Variants in ADK observed in about 807,000 individuals in gnomAD.
The protein encoded by ADK is N6,N6-dimethyladenosine kinase.
In ADK, 24 loss-of-function variants were observed where a neutral mutation model predicts 44.7. The ratio of observed to expected loss-of-function variants is 0.54; its 90% CI spans 0.39 to 0.76. The LOEUF is 0.76. Ranked by LOEUF, ADK falls within the 30% of genes least tolerant of loss-of-function variation. ADK has a pLI of 0.00. For synonymous variants in ADK, 128 were observed against 142.6 expected (o/e 0.90, Z 0.73); for missense variants, 321 against 425.1 (o/e 0.76, Z 2.15).
chr10:74,207,708 C>T (rs1162285785), intron 2 of ADK, among the ~76,000 whole-genome samples: 1 of 152,100 alleles, frequency 6.6e-6, no homozygotes, highest in African/African-American at 2.4e-5. Flanking sequence ...GGTCCATGGG[C>T]GGCTATGGGT....
At chr10:74,247,946 G>GGATA (rs1267091382) in intron 3 of ADK, among the ~76,000 whole-genome samples, 1 of 152,042 alleles carries the variant, frequency 6.6e-6, no homozygotes, top group African/African-American at 2.4e-5. Context: ...TTTATCAAGA[G>GGATA]GATAATAATT....
At chr10:74,695,619 G>T (rs1028618446) in intron 10 of ADK, among the ~76,000 whole-genome samples, 4 of 90,072 alleles carry the variant, frequency 4.4e-5, no homozygotes, top group African/African-American at 1.2e-4. Flanking sequence ...GTATGTGTGG[G>T]GTGTGTGTGT....
chr10:74,409,824 A>G (rs1228133668), intron 6 of ADK, among the ~76,000 whole-genome samples: 1 of 152,236 alleles, frequency 6.6e-6, no homozygotes, highest in Non-Finnish European at 1.5e-5. Context: ...ACAGAAGTAT[A>G]TGTATATTAA....
intron 7 of ADK, among the ~76,000 whole-genome samples, chr10:74,586,198 A>G (rs1851519856): frequency 6.6e-6 from 1 of 152,194 alleles, no homozygotes; most frequent in South Asian, 2.1e-4. Flanking sequence ...GTCTGCAGTG[A>G]TATGAGCCAG....
chr10:74,348,917 A>G (rs140440715), intron 4 of ADK, among the ~76,000 whole-genome samples: 4 of 152,250 alleles, frequency 2.6e-5, no homozygotes, highest in Non-Finnish European at 5.9e-5. Context: ...GACTATGTGA[A>G]AAGACCAAAC....
At chr10:74,360,986 C>T (rs538834729) in intron 4 of ADK, among the ~76,000 whole-genome samples, 1 of 152,242 alleles carries the variant, frequency 6.6e-6, no homozygotes, top group Admixed American at 6.5e-5. Flanking sequence ...CGGCTCACTG[C>T]AACCTCCAAC....
chr10:74,298,435 TG>T (rs1032431224), intron 3 of ADK, among the ~76,000 whole-genome samples: 1 of 152,182 alleles, frequency 6.6e-6, no homozygotes, highest in African/African-American at 2.4e-5. Context: ...ATTAGCCATT[TG>T]GTGACCATAG....
intron 3 of ADK, among the ~76,000 whole-genome samples, chr10:74,250,448 G>T (rs532872527): frequency 2.0e-5 from 3 of 152,266 alleles, no homozygotes; most frequent in African/African-American, 7.2e-5. Flanking sequence ...ATGTCATGGA[G>T]GGAGAGGTAA....
chr10:74,440,484 A>G lies in ADK; in HGVS notation c.555+41905A>G, dbSNP rs374171878. Among the ~76,000 whole-genome samples, 52 of 152,292 alleles carry G rather than the reference A, an allele frequency of 3.4e-4. No homozygotes were observed. The South Asian group carries it at 8.9e-3, about 26-fold the overall frequency. Reference sequence around the variant, plus strand: ...TGAAAAGAACAAAAGATTCCACTGAATGCTTATTTTACAATTAATAAATTA... The same window carrying G: ...TGAAAAGAACAAAAGATTCCACTGAGTGCTTATTTTACAATTAATAAATTA... On this transcript the variant is annotated intron_variant, in intron 6 of 10. Transcript: ENST00000539909.
At chr10:74,229,507 C>T (rs1459503957) in intron 3 of ADK, among the ~76,000 whole-genome samples, 1 of 150,152 alleles carries the variant, frequency 6.7e-6, no homozygotes, top group East Asian at 2.0e-4. Flanking sequence ...ACGCCATTCT[C>T]CTGCCTCAGC....
chr10:74,577,110 CTGTGTGTGTGTGTGTGTG>C (rs146683037), intron 7 of ADK, among the ~76,000 whole-genome samples: 4 of 137,324 alleles, frequency 2.9e-5, no homozygotes, highest in African/African-American at 5.5e-5. Context: ...TATTATTTCT[CTGTGTGTGTGTGTGTGTG>C]TGTGTGTGTG....
At chr10:74,184,501 T>TTGTG (rs67693938) in intron 1 of ADK, among the ~76,000 whole-genome samples, 2,950 of 138,466 alleles carry the variant, frequency 0.021, 57 homozygotes, top group South Asian at 0.036. Context: ...TGGCTATATT[T>TTGTG]TGTGTGTGTG....
At chr10:74,550,576 A>G (rs947511997) in intron 7 of ADK, among the ~76,000 whole-genome samples, 2 of 152,098 alleles carry the variant, frequency 1.3e-5, no homozygotes, top group African/African-American at 4.8e-5. Flanking sequence ...TTAAGTAAGC[A>G]TGGTAGTATC....
intron 10 of ADK, among the ~76,000 whole-genome samples, chr10:74,673,668 C>A (rs1855266791): frequency 6.6e-6 from 1 of 152,198 alleles, no homozygotes; most frequent in Admixed American, 6.5e-5. Context: ...AGTTGAGTGA[C>A]CCTCCATTGT....
intron 2 of ADK, among the ~76,000 whole-genome samples, chr10:74,205,040 C>CAAAAAAAAAAAAA (rs60670688): frequency 1.9e-5 from 1 of 51,642 alleles, no homozygotes; most frequent in Non-Finnish European, 3.1e-5. Flanking sequence ...CACTCTGTCT[C>CAAAAAAAAAAAAA]AAAAAAAAAA....
intron 7 of ADK, among the ~76,000 whole-genome samples, chr10:74,531,386 G>A (rs1849285170): frequency 6.6e-6 from 1 of 152,156 alleles, no homozygotes; most frequent in South Asian, 2.1e-4. Flanking sequence ...GGACAAATTT[G>A]TTAAAAGACA....
chr10:74,211,125 T>C (rs539217395), intron 2 of ADK, among the ~76,000 whole-genome samples: 2 of 152,328 alleles, frequency 1.3e-5, no homozygotes, highest in South Asian at 4.1e-4. Context: ...CCTCAAGTGA[T>C]CCACCCACCT....
At chr10:74,433,539 G>C (rs1373227185) in intron 6 of ADK, among the ~76,000 whole-genome samples, 1 of 152,156 alleles carries the variant, frequency 6.6e-6, no homozygotes, top group Non-Finnish European at 1.5e-5. Context: ...ACTAGCAGCA[G>C]TATTATTAGA....
chr10:74,288,778 C>T (rs1338063223), intron 3 of ADK, among the ~76,000 whole-genome samples: 1 of 152,142 alleles, frequency 6.6e-6, no homozygotes, highest in Non-Finnish European at 1.5e-5. Flanking sequence ...AGAGGTATCT[C>T]TTTATGTACC....
Sources: gnomAD v4.1 joint callset for allele counts (sites outside exome capture counted in the v4.1 genomes callset) on GRCh38, gnomAD v4.1.1 for gene constraint, MANE v1.5 for transcripts, NCBI Gene and HGNC (gene_info 2026-07-23, HGNC 2026-07-21) for gene names.